The following CFAP221 variants were observed in gnomAD, a reference collection of about 807,000 sequenced individuals.
CFAP221 encodes cilia and flagella associated protein 221, also known as cilia- and flagella-associated protein 221.
CFAP221 carries 97 observed loss-of-function variants against 113.1 expected under a neutral mutation model. That is an observed-to-expected ratio of 0.86 (90% CI 0.73 to 1.02). The LOEUF (loss-of-function observed/expected upper bound fraction) is 1.02. Ranked by LOEUF, CFAP221 falls within the 50% of genes least tolerant of loss-of-function variation. The pLI is 0.00. For synonymous variants in CFAP221, 331 were observed against 354.4 expected (o/e 0.93, Z 0.74); for missense variants, 1,025 against 1,013.4 (o/e 1.01, Z -0.16).
At position 119,646,144 on chromosome 2, in the gene CFAP221, G is replaced by A. The variant is rs578235434; in HGVS notation, c.2226-814G>A. Among the ~76,000 whole-genome samples, 4 of 152,256 alleles carry A rather than the reference G, an allele frequency of 2.6e-5. No homozygotes were observed. In the South Asian group the frequency reaches 8.3e-4, roughly 32 times the overall value. On this transcript the variant is annotated intron_variant, in intron 21 of 23. Transcript: ENST00000413369. ...ATAATACTAAACAATACACAAGGAG[G>A]TGGGGAGGAAGATATGAAATGGAAT...
intron 6 of CFAP221, among the ~76,000 whole-genome samples, chr2:119,582,210 A>G (rs1682893021): frequency 6.6e-6 from 1 of 152,236 alleles, no homozygotes; most frequent in Admixed American, 6.5e-5. Flanking sequence ...AGCCATGGGA[A>G]TGGAAGGAGA....
rs948541479 is a variant in CFAP221 at position 119,544,858 on chromosome 2, C to T, written c.-48+348C>T. Reference sequence around the variant, plus strand: ...CCTACCGGGGCGGTGGGCGAGCCGGCGTGTGGGCGGCGTGGAGACCGCCTG... The same window carrying T: ...CCTACCGGGGCGGTGGGCGAGCCGGTGTGTGGGCGGCGTGGAGACCGCCTG... On this transcript the variant is annotated intron_variant, in intron 1 of 23. Transcript: ENST00000413369. Among the ~76,000 whole-genome samples the T allele has an allele frequency of 3.3e-5, 5 of 152,160 alleles. No homozygotes were observed. The South Asian group carries it at 1.0e-3, about 32-fold the overall frequency.
Position 119,629,877 on chromosome 2 carries a change from T to A in CFAP221, c.1653T>A (p.Ala551=). ...TTTTTTCTCCTTTCACATTTTAGGCTCCTGATGGCCTTGGACTGGTCCCAA... is the reference window on the plus strand; with the variant it reads ...TTTTTTCTCCTTTCACATTTTAGGCACCTGATGGCCTTGGACTGGTCCCAA... The part of the protein sequence containing the change: ...CSPPQDSNEL[A]PDGLGLVPIK... Residue 551 remains alanine, a splice_region_variant and synonymous_variant, in exon 17 of 24, where the codon GCT becomes GCA. Coordinates refer to ENST00000413369, the MANE Select transcript of CFAP221 (RefSeq NM_001271049.2). 6.2e-7 allele frequency: 1 copy of A among 1,610,600 alleles called. No individual in the cohort carries two copies. Among genetic ancestry groups the A allele is most frequent in the Non-Finnish European group, 8.5e-7 (1 of 1,177,562 alleles).
At chr2:119,611,121 C>T (rs1685125262) in intron 12 of CFAP221, among the ~76,000 whole-genome samples, 1 of 152,068 alleles carries the variant, frequency 6.6e-6, no homozygotes, top group Non-Finnish European at 1.5e-5. Context: ...CCCCACATGC[C>T]TTCCTTAAAA....
At chr2:119,608,882 C>G (rs901589599) in intron 12 of CFAP221, among the ~76,000 whole-genome samples, 3 of 152,172 alleles carry the variant, frequency 2.0e-5, no homozygotes, top group African/African-American at 7.2e-5. Flanking sequence ...CAAAGGCATT[C>G]ACATGGAGGG....
At chr2:119,545,646 A>G (rs1679999242) in intron 1 of CFAP221, among the ~76,000 whole-genome samples, 1 of 152,224 alleles carries the variant, frequency 6.6e-6, no homozygotes, top group South Asian at 2.1e-4. Flanking sequence ...TCCAAATGTT[A>G]AAGGCTTCCA....
intron 21 of CFAP221, among the ~76,000 whole-genome samples, chr2:119,645,189 G>A (rs1204139615): frequency 6.6e-6 from 1 of 150,940 alleles, no homozygotes; most frequent in African/African-American, 2.4e-5. Context: ...TTTCTGTGAA[G>A]TATTATGATT....
intron 11 of CFAP221, 38 bp downstream of exon 11, chr2:119,605,327 C>T (rs1208255825): frequency 6.9e-7 from 1 of 1,450,478 alleles, no homozygotes. Flanking sequence ...AGTGTCAGTA[C>T]AGTTATTTTT....
At chr2:119,615,412 C>T (rs2104712473) in intron 13 of CFAP221, among the ~76,000 whole-genome samples, 199 bp from the exon 14 acceptor site, 1 of 152,314 alleles carries the variant, frequency 6.6e-6, no homozygotes, top group Middle Eastern at 3.4e-3. Context: ...TCTTGTCCTC[C>T]ACTTTTGGCC....
chr2:119,599,658 C>T (rs1684231100), intron 7 of CFAP221, among the ~76,000 whole-genome samples: 1 of 152,198 alleles, frequency 6.6e-6, no homozygotes, highest in Non-Finnish European at 1.5e-5. Context: ...CTTTCGTTCT[C>T]ATACTCCTGC....
At chr2:119,590,828 G>T (rs1265129143) in intron 7 of CFAP221, among the ~76,000 whole-genome samples, 2 of 152,060 alleles carry the variant, frequency 1.3e-5, no homozygotes, top group Non-Finnish European at 2.9e-5. Flanking sequence ...CTGCCTCACT[G>T]TACTCCTGCG....
At chr2:119,615,834 A>G in intron 14 of CFAP221, 125 bp downstream of exon 14, 2 of 660,730 alleles carry the variant, frequency 3.0e-6, no homozygotes, top group South Asian at 2.5e-5. Context: ...TCACCCTTGT[A>G]AAATGTACAT....
intron 6 of CFAP221, among the ~76,000 whole-genome samples, chr2:119,577,742 C>G (rs1222009198): frequency 6.6e-6 from 1 of 151,938 alleles, no homozygotes; most frequent in Non-Finnish European, 1.5e-5. Flanking sequence ...GAGATAGTAC[C>G]AAAACAAAGA....
chr2:119,561,761 C>T (rs189367508), intron 5 of CFAP221, among the ~76,000 whole-genome samples: 1 of 151,844 alleles, frequency 6.6e-6, no homozygotes, highest in East Asian at 1.9e-4. Flanking sequence ...CTTCATATCT[C>T]TATGAGGCGT....
chr2:119,556,044 A>T (rs1025777561), intron 3 of CFAP221: 3 of 152,358 alleles, frequency 2.0e-5, no homozygotes, highest in South Asian at 2.1e-4. Flanking sequence ...AAGTTCACTG[A>T]AAAAGCTCAT....
chr2:119,591,199 A>G (rs1373864455), intron 7 of CFAP221, among the ~76,000 whole-genome samples: 3 of 152,224 alleles, frequency 2.0e-5, no homozygotes, highest in Non-Finnish European at 2.9e-5. Context: ...CCAGAGGTAA[A>G]ATAGAGAGAT....
At chr2:119,601,460 T>C in intron 8 of CFAP221, 83 bp downstream of exon 8, 1 of 1,261,980 alleles carries the variant, frequency 7.9e-7, no homozygotes, top group Non-Finnish European at 1.0e-6. Context: ...TCTGTCTTTC[T>C]TGTAAAAGAA....
chr2:119,587,186 C>T lies in CFAP221; in HGVS notation c.595C>T (p.Gln199Ter). 1 of 1,533,060 alleles carries T rather than the reference C, an allele frequency of 6.5e-7. No homozygotes were observed. Among genetic ancestry groups the T allele is most frequent in the Non-Finnish European group, 8.7e-7 (1 of 1,145,190 alleles). 95.0% of individuals were successfully genotyped at this position (1,533,060 alleles called of 1,614,324 possible). A position where few individuals can be genotyped will look rare whatever the true frequency, so the allele number is the denominator to read the frequency against. ...TTTTGAGTTTTATATCACCTTGATT[C>T]AGTCTCATCAAGCCTTTGCTATTGA... is the stretch of plus-strand genomic sequence containing the variant. ...VDFEFYITLI[Q>*]SHQAFAIEPT... Residue 199 changes from glutamine to a stop codon, truncating the protein, a stop_gained, in exon 7 of 24, where the codon CAG becomes TAG. Transcript: ENST00000413369. LOFTEE classifies it high-confidence loss of function.
rs935038283 is a variant in CFAP221 at position 119,653,106 on chromosome 2, C to T, written c.2414+1037C>T. 2.0e-5 allele frequency among the ~76,000 whole-genome samples: 3 copies of T among 151,478 alleles called. No homozygotes were observed. The East Asian group carries it at 5.8e-4, about 29-fold the overall frequency. ...TGTGGTTTAAAATATAAATACCGGG[C>T]GTGGTGGCTCATGCCTGTAATCCCA... On this transcript the variant is annotated intron_variant, in intron 23 of 23. Transcript: ENST00000413369.
Sources: allele counts gnomAD v4.1 joint callset (sites outside exome capture counted in the v4.1 genomes callset), GRCh38; gene constraint gnomAD v4.1.1; transcripts MANE v1.5; gene names NCBI Gene and HGNC (gene_info 2026-07-23, HGNC 2026-07-21).